The following MECR variants were observed in gnomAD, a reference collection of about 807,000 sequenced individuals.
MECR encodes enoyl-[acyl-carrier-protein] reductase, mitochondrial.
A neutral mutation model predicts 49.1 loss-of-function variants in MECR; 37 were observed. The ratio of observed to expected loss-of-function variants is 0.75; its 90% CI spans 0.58 to 0.99. The LOEUF is 0.99. Ranked by LOEUF, MECR falls within the 50% of genes least tolerant of loss-of-function variation. The probability of loss-of-function intolerance (pLI) is 0.00; values close to 1 mark genes in which losing one functional copy is unlikely to be tolerated. For missense variants in MECR, 470 were observed against 479.6 expected (o/e 0.98, Z 0.19); for synonymous variants, 198 against 191.1 (o/e 1.04, Z -0.30).
At chr1:29,206,397 T>G (rs1676575900) in intron 4 of MECR, among the ~76,000 whole-genome samples, 1 of 152,206 alleles carries the variant, frequency 6.6e-6, no homozygotes, top group Admixed American at 6.5e-5. Flanking sequence ...TGAGTGGAAT[T>G]ATTAACACTA....
intron 9 of MECR, among the ~76,000 whole-genome samples, chr1:29,195,275 A>G (rs1054514342): frequency 6.6e-6 from 1 of 152,166 alleles, no homozygotes; most frequent in Admixed American, 6.5e-5. Flanking sequence ...TTCAGTGCCT[A>G]GTTGCACGTG....
intron 3 of MECR, among the ~76,000 whole-genome samples, chr1:29,213,516 C>G (rs1678559165): frequency 6.6e-6 from 1 of 152,232 alleles, no homozygotes; most frequent in Non-Finnish European, 1.5e-5. Flanking sequence ...GAGACTCAAT[C>G]AGAGCAACCG....
intron 1 of MECR, among the ~76,000 whole-genome samples, chr1:29,221,987 T>C (rs1488589509): frequency 6.6e-6 from 1 of 152,208 alleles, no homozygotes; most frequent in Non-Finnish European, 1.5e-5. Flanking sequence ...AATAATTTAC[T>C]CAAGAGTCTT....
chr1:29,209,182 C>A (rs560882130), intron 3 of MECR, among the ~76,000 whole-genome samples: 1 of 152,074 alleles, frequency 6.6e-6, no homozygotes, highest in African/African-American at 2.4e-5. Flanking sequence ...CATGAATGTA[C>A]GTGTAACACA....
chr1:29,213,359 G>A (rs1678504761), intron 3 of MECR, among the ~76,000 whole-genome samples: 1 of 152,126 alleles, frequency 6.6e-6, no homozygotes, highest in African/African-American at 2.4e-5. Flanking sequence ...CAGCCTTCCT[G>A]ATCTCAGAGA....
chr1:29,185,600 A>G, the MECR span, among the ~76,000 whole-genome samples: 1 of 152,150 alleles, frequency 6.6e-6, no homozygotes. Context: ...TTTTTAGTAG[A>G]GATGGGGTTT....
the MECR span, among the ~76,000 whole-genome samples, chr1:29,187,129 C>T: frequency 6.6e-6 from 1 of 152,162 alleles, no homozygotes; most frequent in African/African-American, 2.4e-5. Flanking sequence ...GGGCATGGTG[C>T]CTGACAATAA....
At chr1:29,225,392 C>A (rs1347670051) in intron 1 of MECR, among the ~76,000 whole-genome samples, 5 of 152,116 alleles carry the variant, frequency 3.3e-5, no homozygotes, top group Non-Finnish European at 7.3e-5. Context: ...TCAGTTTACA[C>A]CCTGTCTCTT....
At chr1:29,211,760 A>G (rs1265177914) in intron 3 of MECR, among the ~76,000 whole-genome samples, 1 of 152,204 alleles carries the variant, frequency 6.6e-6, no homozygotes, top group Non-Finnish European at 1.5e-5. Context: ...TTCCTCAGGA[A>G]GGTTTTGCAT....
intron 3 of MECR, 111 bp downstream of exon 3, chr1:29,215,884 TAAATAAAAAA>T: frequency 8.3e-7 from 1 of 1,209,330 alleles, no homozygotes; most frequent in Non-Finnish European, 1.1e-6. Context: ...AATAAATAAA[TAAATAAAAAA>T]AATAAACCCT....
intron 1 of MECR, among the ~76,000 whole-genome samples, chr1:29,227,766 C>T (rs1035075803): frequency 2.0e-5 from 3 of 152,220 alleles, no homozygotes; most frequent in African/African-American, 7.2e-5. Flanking sequence ...ACACCTGATT[C>T]TTTCTGTGAC....
the MECR span, among the ~76,000 whole-genome samples, chr1:29,179,186 T>C: frequency 3.3e-5 from 5 of 152,368 alleles, no homozygotes; most frequent in East Asian, 1.9e-4. Flanking sequence ...TAAAATCTAA[T>C]AGTCGTTGTT....
At chr1:29,216,517 A>C in intron 2 of MECR, 71 bp downstream of exon 2, 1 of 1,444,726 alleles carries the variant, frequency 6.9e-7, no homozygotes. Context: ...CCCACACCTG[A>C]GGAGGAATGA....
the MECR span, among the ~76,000 whole-genome samples, chr1:29,179,925 A>G: frequency 6.6e-6 from 1 of 152,212 alleles, no homozygotes; most frequent in East Asian, 1.9e-4. Context: ...TTTCCCATTA[A>G]CAGTCTTGTC....
At chr1:29,200,965 AAT>A (rs1360597025) in intron 6 of MECR, among the ~76,000 whole-genome samples, 1 of 151,980 alleles carries the variant, frequency 6.6e-6, no homozygotes, top group East Asian at 1.9e-4. Context: ...ATTAAAAAAA[AAT>A]GTTTTTTTGT....
intron 4 of MECR, 109 bp from the exon 5 acceptor site, chr1:29,203,342 G>A (rs1675798415): frequency 3.9e-6 from 3 of 769,922 alleles, no homozygotes; most frequent in Non-Finnish European, 6.2e-6. Context: ...AGGCTCAACA[G>A]GGACCCAGGA....
Position 29,215,994 on chromosome 1 carries a change from G to C in MECR, c.406+11C>G, listed in dbSNP as rs1057001240. On this transcript the variant is annotated intron_variant, in intron 3 of 9. Coordinates refer to ENST00000263702, the MANE Select transcript of MECR (RefSeq NM_016011.5). The stretch of plus-strand genomic sequence containing the variant: ...AGAACGAATAGGCAGCTGACACCTG[G>C]AGAAACTCACCTAAACCAGCATTTG... 1.2e-6 allele frequency: 2 copies of C among 1,613,630 alleles called. No homozygotes were observed. Among genetic ancestry groups the C allele is most frequent in the African/African-American group, 2.7e-5 (2 of 74,938 alleles).
chr1:29,218,594 T>C (rs1157608589), intron 1 of MECR, among the ~76,000 whole-genome samples: 6 of 152,152 alleles, frequency 3.9e-5, no homozygotes, highest in Non-Finnish European at 8.8e-5. Flanking sequence ...TTATAATAGC[T>C]GGGCACGGTG....
chr1:29,180,555 T>C, the MECR span, among the ~76,000 whole-genome samples: 1 of 152,328 alleles, frequency 6.6e-6, no homozygotes, highest in Admixed American at 6.5e-5. Flanking sequence ...GTTACTAGTA[T>C]AACCCTGGGG....
Sources: allele counts gnomAD v4.1 joint callset (sites outside exome capture counted in the v4.1 genomes callset), GRCh38; gene constraint gnomAD v4.1.1; transcripts MANE v1.5; gene names NCBI Gene and HGNC (gene_info 2026-07-23, HGNC 2026-07-21).